The following UBE3B variants were observed in gnomAD, a reference collection of about 807,000 sequenced individuals.
UBE3B encodes ubiquitin-protein ligase E3B.
A neutral mutation model predicts 132.3 loss-of-function variants in UBE3B; 80 were observed. The ratio of observed to expected loss-of-function variants is 0.60; its 90% confidence interval spans 0.50 to 0.73. The LOEUF is 0.73. UBE3B is among the 30% of genes least tolerant of loss of function. The probability of loss-of-function intolerance (pLI) is 0.00; values close to 1 mark genes in which losing one functional copy is unlikely to be tolerated. For missense variants in UBE3B, 1,196 were observed against 1,362.5 expected (o/e 0.88, Z 1.92); for synonymous variants, 487 against 520.4 (o/e 0.94, Z 0.87).
At chr12:109,502,968 G>A in intron 13 of UBE3B, 55 bp from the exon 14 acceptor site, 2 of 1,607,680 alleles carry the variant, frequency 1.2e-6, no homozygotes, top group South Asian at 1.1e-5. Flanking sequence ...TTTCCAGGGT[G>A]GGATTTGGCA....
At chr12:109,486,980 G>A (rs1311844718) in intron 6 of UBE3B, among the ~76,000 whole-genome samples, 1 of 152,220 alleles carries the variant, frequency 6.6e-6, no homozygotes, top group Non-Finnish European at 1.5e-5. Context: ...TAACGTGGCA[G>A]CTAGAGTAAG....
chr12:109,490,660 A>C (rs890269268), intron 8 of UBE3B: 3 of 1,506,286 alleles, frequency 2.0e-6, no homozygotes, highest in African/African-American at 1.4e-5. Flanking sequence ...TTAAATTTTA[A>C]GTCTGGCATT....
At chr12:109,500,477 A>G (rs1878826254) in intron 12 of UBE3B, among the ~76,000 whole-genome samples, 1 of 152,152 alleles carries the variant, frequency 6.6e-6, no homozygotes, top group Non-Finnish European at 1.5e-5. Flanking sequence ...TGGGGAGGAA[A>G]TCCCCAAATT....
At chr12:109,512,605 A>T (rs1184999504) in intron 18 of UBE3B, among the ~76,000 whole-genome samples, 1 of 152,184 alleles carries the variant, frequency 6.6e-6, no homozygotes, top group Non-Finnish European at 1.5e-5. Flanking sequence ...CGAAGTAGAC[A>T]TATTTTTAGA....
rs1877161916 is a variant in UBE3B at position 109,489,996 on chromosome 12, G to A, written c.622G>A (p.Val208Met). ...GHLNQHGFYS[V>M]LQILLTRGLA... Reference sequence around the variant, plus strand: ...TCTCAACCAGCATGGATTTTATTCTGTGCTGCAGGTCTGTGACTCCTGCCC... The same window carrying A: ...TCTCAACCAGCATGGATTTTATTCTATGCTGCAGGTCTGTGACTCCTGCCC... Residue 208 changes from valine to methionine, a missense_variant, in exon 8 of 28, where the codon GTG (valine) becomes ATG (methionine). Transcript: ENST00000342494. 2.5e-6 allele frequency: 4 copies of A among 1,614,126 alleles called. No individual in the cohort carries two copies.
At chr12:109,489,819 T>C in intron 7 of UBE3B, 100 bp from the exon 8 acceptor site, 1 of 1,158,494 alleles carries the variant, frequency 8.6e-7, no homozygotes, top group Non-Finnish European at 1.3e-6. Flanking sequence ...GGGTATCTCA[T>C]TTCTTAGGGC....
chr12:109,510,276 A>C, intron 16 of UBE3B, 68 bp from the exon 17 acceptor site: 119 of 1,235,418 alleles, frequency 9.6e-5, no homozygotes, highest in Middle Eastern at 1.9e-4. Flanking sequence ...GCGGAAGACA[A>C]GAGCTGTCCT....
In UBE3B at chr12:109,522,545, C is replaced by CT. The variant is rs1417169012; in HGVS notation, c.2364+995dup. 6.6e-6 allele frequency among the ~76,000 whole-genome samples: 1 copy of CT among 152,240 alleles called. No homozygotes were observed. The highest frequency in any genetic ancestry group is 6.5e-5 in the Admixed American group (1 of 15,286). ...CCCAAGCACGGAGGAAGCGAGCCAC[C>CT]TGGGCAGCACTCCTCGCATACCCCA... On this transcript the variant is annotated intron_variant, in intron 21 of 27. Coordinates refer to ENST00000342494, the MANE Select transcript of UBE3B (RefSeq NM_130466.4). This position sits in a 1 kb window ranked among gnomAD's most constrained non-coding sequence, Gnocchi z 4.2.
Position 109,534,050 on chromosome 12 carries a change from T to C in UBE3B, c.3015+492T>C. The C allele has an allele frequency of 7.7e-7, 1 of 1,294,774 alleles. No individual in the cohort carries two copies. The highest frequency in any genetic ancestry group is 1.0e-6 in the Non-Finnish European group (1 of 992,802). The allele number at this position is 1,294,774 out of a possible 1,614,324, so 80.2% of individuals were successfully genotyped here. A position where few individuals can be genotyped will look rare whatever the true frequency, so the allele number is the denominator to read the frequency against. On this transcript the variant is annotated intron_variant, in intron 27 of 27. Transcript: ENST00000342494. The surrounding 1 kb of genome is among the most constrained non-coding windows in gnomAD (Gnocchi z 5.2). ...TGTGTGTCTCAAGCCTGGCCCACTG[T>C]GGGTGCTCAAATGAGAGTCCTACTC...
At position 109,501,542 on chromosome 12, in the gene UBE3B, A is replaced by AAGGT. The variant is rs779213811; in HGVS notation, c.1282+8_1282+9insAGGT. 19 of 1,612,606 alleles carry AAGGT rather than the reference A, an allele frequency of 1.2e-5. No homozygotes were observed. The highest frequency in any genetic ancestry group is 1.7e-5 in the Admixed American group (1 of 59,770). On this transcript the variant is annotated intron_variant, in intron 13 of 27. Coordinates refer to ENST00000342494, the MANE Select transcript of UBE3B (RefSeq NM_130466.4). ...ATGTGCTCCCAGTGAAGAGTGAGTG[A>AAGGT]CGGGAGCAGGCCCAACCCTGTAGCT...
At chr12:109,502,957 T>A (rs1381481308) in intron 13 of UBE3B, 66 bp from the exon 14 acceptor site, 21 of 1,599,990 alleles carry the variant, frequency 1.3e-5, no homozygotes, top group Non-Finnish European at 1.8e-5. Context: ...ATGCTCTTCC[T>A]TTTCCAGGGT....
At chr12:109,495,422 A>G (rs1878045444) in intron 9 of UBE3B, among the ~76,000 whole-genome samples, 1 of 152,120 alleles carries the variant, frequency 6.6e-6, no homozygotes, top group South Asian at 2.1e-4. Context: ...CACTTTATTC[A>G]TTTAAAGCAT....
chr12:109,512,348 G>C (rs1356806537), intron 18 of UBE3B, among the ~76,000 whole-genome samples: 2 of 152,134 alleles, frequency 1.3e-5, no homozygotes, highest in Non-Finnish European at 2.9e-5. Flanking sequence ...AACACGAGGA[G>C]GGAAGGAGGG....
intron 18 of UBE3B, 162 bp downstream of exon 18, chr12:109,511,465 G>C: frequency 1.5e-6 from 1 of 671,838 alleles, no homozygotes; most frequent in East Asian, 2.8e-5. Context: ...TACACCCAGT[G>C]CTGGGGTACA....
At chr12:109,539,017 C>G (rs1460520732), downstream of UBE3B, among the ~76,000 whole-genome samples, 4 of 152,184 alleles carry the variant, frequency 2.6e-5, no homozygotes, top group African/African-American at 9.7e-5. Flanking sequence ...GGGCAGATCC[C>G]CTGAGGTCAG....
intron 16 of UBE3B, 113 bp downstream of exon 16, chr12:109,509,827 T>G: frequency 1.5e-6 from 1 of 673,742 alleles, no homozygotes; most frequent in Non-Finnish European, 2.5e-6. Flanking sequence ...TAATAGAAGG[T>G]GCACATTTAT....
intron 4 of UBE3B, among the ~76,000 whole-genome samples, chr12:109,485,453 G>A (rs1435272774): frequency 6.6e-6 from 1 of 152,238 alleles, no homozygotes; most frequent in Non-Finnish European, 1.5e-5. Flanking sequence ...TACAGAGAAG[G>A]AAACTGCAGC....
intron 9 of UBE3B, among the ~76,000 whole-genome samples, chr12:109,495,020 T>C (rs2135878975): frequency 6.6e-6 from 1 of 152,368 alleles, no homozygotes; most frequent in South Asian, 2.1e-4. Flanking sequence ...TTTTCTTCTA[T>C]TTAGGGAATT....
rs765868498 is a variant in UBE3B at position 109,486,573 on chromosome 12, A to G, written c.445A>G (p.Lys149Glu). The change falls in exon 6 of 28, where the codon AAG becomes GAG. Residue 149 changes from lysine (K) to glutamate (E), a missense_variant and splice_region_variant. By Grantham distance (56) the Lys-to-Glu change is moderately conservative. Coordinates refer to ENST00000342494, the MANE Select transcript of UBE3B (RefSeq NM_130466.4). Reference sequence around the variant, plus strand: ...CTGCTGTGATTTTCTCAAGCAGCTCAAGGTAACAAAAAAAAAAAAAAAAAA... The same window carrying G: ...CTGCTGTGATTTTCTCAAGCAGCTCGAGGTAACAAAAAAAAAAAAAAAAAA... ...WYCCDFLKQL[K>E]PEILQDSRLI... 1 of 1,306,088 alleles carries G rather than the reference A, an allele frequency of 7.7e-7. No individual in the cohort carries two copies. The highest frequency in any genetic ancestry group is 1.0e-6 in the Non-Finnish European group (1 of 961,904). The allele number at this position is 1,306,088 out of a possible 1,614,324, so 80.9% of individuals were successfully genotyped here. A position where few individuals can be genotyped will look rare whatever the true frequency, so the allele number is the denominator to read the frequency against.
Sources: gnomAD v4.1 joint callset for allele counts (sites outside exome capture counted in the v4.1 genomes callset) on GRCh38, gnomAD v4.1.1 for gene constraint, Gnocchi (gnomAD v3.1) non-coding constraint, MANE v1.5 for transcripts, NCBI Gene and HGNC (gene_info 2026-07-23, HGNC 2026-07-21) for gene names.